The following CHLSN variants were observed in gnomAD, a reference collection of about 807,000 sequenced individuals.
The protein encoded by CHLSN is protein cholesin.
chr7:1,049,051 G>T, the CHLSN span, among the ~76,000 whole-genome samples: 1 of 152,118 alleles, frequency 6.6e-6, no homozygotes, highest in African/African-American at 2.4e-5. Flanking sequence ...CTGTCTGAGC[G>T]TGCGCTCCCC....
the CHLSN span, among the ~76,000 whole-genome samples, chr7:1,057,210 G>A: frequency 0.11 from 17,440 of 152,136 alleles, 1,229 homozygotes; most frequent in Middle Eastern, 0.26. Context: ...GCAGCAGCCC[G>A]TGAAGAGTGG....
chr7:1,015,545 A>T, the CHLSN span, among the ~76,000 whole-genome samples: 5 of 152,334 alleles, frequency 3.3e-5, no homozygotes, highest in East Asian at 9.7e-4. Context: ...CCCAAGTCTA[A>T]GGGAGCAGAG....
chr7:1,136,367 T>A, the CHLSN span, among the ~76,000 whole-genome samples: 4 of 31,418 alleles, frequency 1.3e-4, no homozygotes, highest in South Asian at 6.8e-4. Context: ...AACATATATA[T>A]AAATATATAT....
At chr7:1,130,654 G>A in the CHLSN span, among the ~76,000 whole-genome samples, 6 of 149,216 alleles carry the variant, frequency 4.0e-5, no homozygotes, top group African/African-American at 1.5e-4. Flanking sequence ...GGGTGCAGCC[G>A]AAAAGGAGCT....
chr7:1,102,516 C>T, the CHLSN span, among the ~76,000 whole-genome samples: 16 of 152,234 alleles, frequency 1.1e-4, no homozygotes, highest in Non-Finnish European at 2.1e-4. Flanking sequence ...GGTCTTGCTT[C>T]TTTGGTAAAA....
the CHLSN span, among the ~76,000 whole-genome samples, chr7:980,559 T>C: frequency 6.6e-6 from 1 of 152,208 alleles, no homozygotes; most frequent in African/African-American, 2.4e-5. Flanking sequence ...CAGGATGTTC[T>C]GTGACAGCCT....
At chr7:1,127,220 C>G in the CHLSN span, 2 of 1,561,232 alleles carry the variant, frequency 1.3e-6, no homozygotes, top group Non-Finnish European at 8.6e-7. Context: ...CAGGTGGATC[C>G]CAGAGGGCAG....
chr7:1,000,214 T>C, the CHLSN span, among the ~76,000 whole-genome samples: 33 of 152,226 alleles, frequency 2.2e-4, no homozygotes, highest in African/African-American at 7.7e-4. Context: ...GCTTCTGCTG[T>C]CAGGGCCCCA....
At chr7:1,102,013 A>C in the CHLSN span, among the ~76,000 whole-genome samples, 1 of 152,214 alleles carries the variant, frequency 6.6e-6, no homozygotes, top group African/African-American at 2.4e-5. Context: ...TTGCCCATAG[A>C]AGTCATCACA....
chr7:1,059,657 G>A, the CHLSN span, among the ~76,000 whole-genome samples: 2 of 90,132 alleles, frequency 2.2e-5, no homozygotes, highest in African/African-American at 4.0e-5. Context: ...GGTCTTAGGG[G>A]GGCGGGTCCA....
the CHLSN span, among the ~76,000 whole-genome samples, chr7:1,016,780 GCACAGCA>G: frequency 7.3e-5 from 4 of 55,038 alleles, no homozygotes; most frequent in East Asian, 4.2e-4. Flanking sequence ...GCACAGCAGC[GCACAGCA>G]CACAGCAGCA....
the CHLSN span, among the ~76,000 whole-genome samples, chr7:1,040,359 G>A: frequency 1.3e-5 from 2 of 151,760 alleles, no homozygotes; most frequent in Non-Finnish European, 2.9e-5. Flanking sequence ...GACAAGCATG[G>A]TGGCACGCAC....
chr7:987,728 C>G, the CHLSN span, among the ~76,000 whole-genome samples: 1 of 152,210 alleles, frequency 6.6e-6, no homozygotes, highest in Non-Finnish European at 1.5e-5. Context: ...TTGGCCTGGC[C>G]AGCAGACCTG....
At chr7:986,961 T>C in the CHLSN span, 1 of 1,318,310 alleles carries the variant, frequency 7.6e-7, no homozygotes, top group Non-Finnish European at 1.0e-6. Flanking sequence ...AAACGGGGCA[T>C]CCATAGTGCC....
chr7:1,013,386 A>T, the CHLSN span, among the ~76,000 whole-genome samples: 6 of 152,332 alleles, frequency 3.9e-5, no homozygotes, highest in East Asian at 1.2e-3. Context: ...AAAGAATCCC[A>T]GTGTCAAATA....
chr7:1,125,598 A>AC, the CHLSN span, among the ~76,000 whole-genome samples: 3 of 128,388 alleles, frequency 2.3e-5, no homozygotes, highest in African/African-American at 1.3e-4. Context: ...AAGTTTAAGG[A>AC]CTTAAGCAAC....
chr7:1,076,399 G>A, the CHLSN span, among the ~76,000 whole-genome samples: 2 of 152,178 alleles, frequency 1.3e-5, no homozygotes, highest in South Asian at 2.1e-4. Context: ...ATGCTGCTCC[G>A]CAGGAGGCTG....
the CHLSN span, among the ~76,000 whole-genome samples, chr7:1,010,989 C>T: frequency 3.3e-5 from 5 of 152,012 alleles, no homozygotes; most frequent in South Asian, 4.2e-4. Flanking sequence ...GCACAGCCCA[C>T]GCCTACGCAT....
the CHLSN span, among the ~76,000 whole-genome samples, chr7:1,060,345 C>T: frequency 3.9e-5 from 6 of 152,226 alleles, no homozygotes; most frequent in African/African-American, 1.4e-4. Flanking sequence ...GTGAGAGCTT[C>T]ATGTCCATGA....
Sources: gnomAD v4.1 joint callset for allele counts (sites outside exome capture counted in the v4.1 genomes callset) on GRCh38, gnomAD v4.1.1 for gene constraint, MANE v1.5 for transcripts, NCBI Gene and HGNC (gene_info 2026-07-23, HGNC 2026-07-21) for gene names.